Variants in TESK2 observed in about 807,000 individuals in gnomAD.
TESK2 encodes the protein testis associated actin remodelling kinase 2.
In TESK2, 39 loss-of-function variants were observed where a neutral mutation model predicts 57.1. The ratio of observed to expected loss-of-function variants is 0.68; its 90% CI spans 0.53 to 0.89. The LOEUF (loss-of-function observed/expected upper bound fraction) is 0.89. TESK2 is among the 40% of genes least tolerant of loss of function. TESK2 has a pLI of 0.00. For missense variants in TESK2, 646 were observed against 732.1 expected (o/e 0.88, Z 1.36); for synonymous variants, 249 against 267.9 (o/e 0.93, Z 0.69).
chr1:45,382,359 C>A (rs2149273413), intron 4 of TESK2, among the ~76,000 whole-genome samples: 1 of 152,286 alleles, frequency 6.6e-6, no homozygotes, highest in East Asian at 1.9e-4. Context: ...CTACCTCAGC[C>A]TCTCCAATAG....
At chr1:45,376,720 G>C (rs1413322851) in intron 4 of TESK2, among the ~76,000 whole-genome samples, 1 of 152,076 alleles carries the variant, frequency 6.6e-6, no homozygotes, top group African/African-American at 2.4e-5. Flanking sequence ...GGAGAGAAGA[G>C]AGATAAGGAC....
chr1:45,437,862 C>T (rs1291406356), intron 2 of TESK2, among the ~76,000 whole-genome samples: 2 of 152,292 alleles, frequency 1.3e-5, no homozygotes, highest in East Asian at 3.9e-4. Flanking sequence ...ATGAGACAGA[C>T]AAGCAAAGCT....
intron 4 of TESK2, 142 bp from the exon 5 acceptor site, chr1:45,355,591 T>A: frequency 1.2e-6 from 1 of 842,798 alleles, no homozygotes; most frequent in Non-Finnish European, 1.8e-6. Context: ...CTCCAAGCAC[T>A]ATGGTAGGTG....
At chr1:45,419,576 C>A (rs1185917523) in intron 3 of TESK2, among the ~76,000 whole-genome samples, 1 of 151,766 alleles carries the variant, frequency 6.6e-6, no homozygotes, top group Non-Finnish European at 1.5e-5. Flanking sequence ...GAGGCCGAAG[C>A]AGGTGGATTA....
At position 45,343,906 on chromosome 1, in the gene TESK2, T is replaced by G. The variant is rs1647098952; in HGVS notation, c.*934A>C. 1 of 479,678 alleles carries G rather than the reference T, an allele frequency of 2.1e-6. No individual in the cohort carries two copies. The allele number at this position is 479,678 out of a possible 1,614,324, so 29.7% of individuals were successfully genotyped here. On this transcript the variant is annotated 3_prime_UTR_variant, in exon 11 of 11. Transcript: ENST00000372086. This position sits in a 1 kb window ranked among gnomAD's most constrained non-coding sequence, Gnocchi z 4.3. The stretch of plus-strand genomic sequence containing the variant: ...AGCACCTGTAACACTGACTTTATTT[T>G]TAAGTCTGAAAATGTCTTGGGAAAG...
chr1:45,430,423 C>G (rs919072863), intron 2 of TESK2, among the ~76,000 whole-genome samples: 1 of 152,124 alleles, frequency 6.6e-6, no homozygotes, highest in African/African-American at 2.4e-5. Flanking sequence ...CCCAGGAGAT[C>G]AAGGCTACAG....
At chr1:45,366,620 G>T (rs1005908302) in intron 4 of TESK2, among the ~76,000 whole-genome samples, 6 of 152,112 alleles carry the variant, frequency 3.9e-5, no homozygotes, top group African/African-American at 1.4e-4. Flanking sequence ...CAGGAACTAG[G>T]TCCTGCTCAA....
chr1:45,374,734 A>G (rs762627683), intron 4 of TESK2, among the ~76,000 whole-genome samples: 8 of 152,198 alleles, frequency 5.3e-5, no homozygotes, highest in Non-Finnish European at 8.8e-5. Context: ...CTCTATGAAG[A>G]TATCTCAACT....
At chr1:45,436,199 T>TTTTTTTTTTTTTTTTTTTTG (rs1651212960) in intron 2 of TESK2, among the ~76,000 whole-genome samples, 1 of 128,672 alleles carries the variant, frequency 7.8e-6, no homozygotes, top group Non-Finnish European at 1.6e-5. Flanking sequence ...TTTTTTTTTT[T>TTTTTTTTTTTTTTTTTTTTG]TTTGAGATGG....
At position 45,428,815 on chromosome 1, in the gene TESK2, G is replaced by A. The variant is rs1163445419; in HGVS notation, c.223-6969C>T. ...CACTGCGCCCAGCTCTTAAATTCCTGATTTTTTTTTTTTTTTTTTTTTTTG... is the reference window on the plus strand; with the variant it reads ...CACTGCGCCCAGCTCTTAAATTCCTAATTTTTTTTTTTTTTTTTTTTTTTG... On this transcript the variant is annotated intron_variant, in intron 2 of 10. Coordinates refer to ENST00000372086, the MANE Select transcript of TESK2 (RefSeq NM_007170.3). Among the ~76,000 whole-genome samples, 9 of 25,562 alleles carry A rather than the reference G, an allele frequency of 3.5e-4. No individual in the cohort carries two copies. In the South Asian group the frequency reaches 0.013, roughly 37 times the overall value. The allele number at this position is 25,562 out of a possible 152,430, so 16.8% of individuals were successfully genotyped here.
chr1:45,468,697 A>G (rs890009727), intron 1 of TESK2, among the ~76,000 whole-genome samples: 8 of 152,190 alleles, frequency 5.3e-5, no homozygotes, highest in African/African-American at 1.9e-4. Flanking sequence ...TGGAACAGAG[A>G]TAACTACAGT....
intron 4 of TESK2, among the ~76,000 whole-genome samples, chr1:45,379,039 A>T (rs1648544513): frequency 6.6e-6 from 1 of 152,210 alleles, no homozygotes; most frequent in Non-Finnish European, 1.5e-5. Context: ...TCACATCTTT[A>T]TCATGGTAAA....
At position 45,415,194 on chromosome 1, in the gene TESK2, C is replaced by T; in HGVS notation, c.344+6531G>A. The T allele has an allele frequency of 5.3e-6, 8 of 1,516,906 alleles. No homozygotes were observed. The South Asian group carries it at 9.0e-5, about 17-fold the overall frequency. The allele number at this position is 1,516,906 out of a possible 1,614,324, so 94.0% of individuals were successfully genotyped here. ...GGGTTCCTGCTTTCACAGAATTATT[C>T]CAGGGTTTATGTGTCCGGTTGGATG... On this transcript the variant is annotated intron_variant, in intron 3 of 10. Transcript: ENST00000372086.
intron 3 of TESK2, among the ~76,000 whole-genome samples, chr1:45,394,777 G>C (rs2149277937): frequency 7.6e-6 from 1 of 130,822 alleles, no homozygotes; most frequent in South Asian, 2.4e-4. Flanking sequence ...CTGCACCTCT[G>C]CCTCCTGAGT....
chr1:45,432,156 G>C (rs1297540968), intron 2 of TESK2, among the ~76,000 whole-genome samples: 3 of 151,912 alleles, frequency 2.0e-5, no homozygotes, highest in African/African-American at 7.3e-5. Context: ...GGCTGAGATG[G>C]GAGGATCACT....
At chr1:45,385,696 ATGTG>A (rs199702121) in intron 4 of TESK2, among the ~76,000 whole-genome samples, 1 of 141,802 alleles carries the variant, frequency 7.1e-6, no homozygotes, top group Non-Finnish European at 1.5e-5. Flanking sequence ...CTTAAAGTGT[ATGTG>A]TGTGTGTGTG....
intron 3 of TESK2, among the ~76,000 whole-genome samples, chr1:45,421,191 G>A (rs2149286747): frequency 6.6e-6 from 1 of 152,216 alleles, no homozygotes. Context: ...TGGAGGTCAA[G>A]GCTGCAGTGA....
intron 1 of TESK2, among the ~76,000 whole-genome samples, chr1:45,482,113 C>T (rs1653251084): frequency 6.6e-6 from 1 of 152,118 alleles, no homozygotes; most frequent in Admixed American, 6.6e-5. Flanking sequence ...TCTCAAGGTT[C>T]GTGCATATTT....
In TESK2 at chr1:45,391,159, G is replaced by A. The variant is rs1034175902; in HGVS notation, c.345-5199C>T. On this transcript the variant is annotated intron_variant, in intron 3 of 10. Coordinates refer to ENST00000372086, the MANE Select transcript of TESK2 (RefSeq NM_007170.3). The stretch of plus-strand genomic sequence containing the variant: ...TCTTGATCTCCTGACCTCGTGATCC[G>A]CCCCCCTCAGCCTCCCAAAGTGCTG... Among the ~76,000 whole-genome samples, 7 of 146,960 alleles carry A rather than the reference G, an allele frequency of 4.8e-5. No individual in the cohort carries two copies. In the East Asian group the frequency reaches 8.0e-4, roughly 17 times the overall value.
Sources: allele counts gnomAD v4.1 joint callset (sites outside exome capture counted in the v4.1 genomes callset), GRCh38; gene constraint gnomAD v4.1.1; non-coding constraint Gnocchi (gnomAD v3.1); transcripts MANE v1.5; gene names NCBI Gene and HGNC (gene_info 2026-07-23, HGNC 2026-07-21).